The following SHISA9 variants were observed in gnomAD, a reference collection of about 807,000 sequenced individuals.
The protein encoded by SHISA9 is protein shisa-9.
SHISA9 carries 13 observed loss-of-function variants against 38.0 expected under a neutral mutation model. The ratio of observed to expected loss-of-function variants is 0.34; its 90% CI spans 0.22 to 0.54. The LOEUF (loss-of-function observed/expected upper bound fraction) is 0.54. SHISA9 is among the 20% of genes least tolerant of loss of function. SHISA9 has a pLI of 0.91. For missense variants in SHISA9, 538 were observed against 575.8 expected (o/e 0.93, Z 0.67); for synonymous variants, 275 against 242.0 (o/e 1.14, Z -1.27).
chr16:13,383,847 G>A, the SHISA9 span, among the ~76,000 whole-genome samples: 3 of 151,954 alleles, frequency 2.0e-5, no homozygotes, highest in African/African-American at 7.3e-5. Context: ...TAGAGATGGG[G>A]ATTTATCATG....
intron 2 of SHISA9, among the ~76,000 whole-genome samples, chr16:13,005,770 G>T (rs1015493994): frequency 7.2e-5 from 11 of 152,174 alleles, no homozygotes; most frequent in African/African-American, 2.7e-4. Flanking sequence ...GAGTAGGGGA[G>T]GAGACATGGG....
At chr16:13,025,924 G>C (rs965694773) in intron 2 of SHISA9, among the ~76,000 whole-genome samples, 9 of 151,980 alleles carry the variant, frequency 5.9e-5, no homozygotes, top group African/African-American at 2.2e-4. Context: ...TCCTGCCTCA[G>C]CCTCCTGAGT....
At chr16:13,123,558 G>T (rs1051029161) in intron 2 of SHISA9, among the ~76,000 whole-genome samples, 2 of 152,244 alleles carry the variant, frequency 1.3e-5, no homozygotes, top group South Asian at 4.1e-4. Flanking sequence ...CACAGATAAG[G>T]TGATGGTGGA....
At chr16:13,415,255 C>A in the SHISA9 span, among the ~76,000 whole-genome samples, 5 of 152,146 alleles carry the variant, frequency 3.3e-5, no homozygotes, top group Non-Finnish European at 7.4e-5. Context: ...TACTATGCAG[C>A]TATAAAAAAG....
At chr16:13,346,302 C>G in the SHISA9 span, among the ~76,000 whole-genome samples, 1 of 152,268 alleles carries the variant, frequency 6.6e-6, no homozygotes, top group Admixed American at 6.5e-5. Context: ...TCGGCTGCGA[C>G]GCCACCAGAT....
the SHISA9 span, among the ~76,000 whole-genome samples, chr16:13,296,092 C>T: frequency 5.3e-5 from 8 of 152,124 alleles, no homozygotes; most frequent in African/African-American, 7.2e-5. Context: ...CTCTCATAGC[C>T]TACTTGTTGT....
At chr16:13,147,306 G>A (rs1201544344) in intron 2 of SHISA9, among the ~76,000 whole-genome samples, 1 of 152,082 alleles carries the variant, frequency 6.6e-6, no homozygotes, top group Non-Finnish European at 1.5e-5. Flanking sequence ...GACTGGAGCG[G>A]GAAAGAGTTA....
At chr16:13,134,420 CAA>C (rs2050330665) in intron 2 of SHISA9, among the ~76,000 whole-genome samples, 1 of 152,056 alleles carries the variant, frequency 6.6e-6, no homozygotes, top group African/African-American at 2.4e-5. Context: ...TGGGGATGAG[CAA>C]AATGGTTTCT....
At chr16:12,977,013 G>A (rs1596560774) in intron 2 of SHISA9, among the ~76,000 whole-genome samples, 2 of 152,320 alleles carry the variant, frequency 1.3e-5, no homozygotes, top group South Asian at 2.1e-4. Flanking sequence ...AGAGGGAGCA[G>A]TGCGAGCAGA....
chr16:13,397,876 T>C, the SHISA9 span, among the ~76,000 whole-genome samples: 1 of 152,134 alleles, frequency 6.6e-6, no homozygotes, highest in Non-Finnish European at 1.5e-5. Flanking sequence ...GGAGGACATA[T>C]AGGCTTGGAG....
intron 3 of SHISA9, among the ~76,000 whole-genome samples, chr16:13,208,495 G>C (rs1448112999): frequency 1.5e-5 from 2 of 135,744 alleles, no homozygotes; most frequent in Non-Finnish European, 3.0e-5. Context: ...AGGCTGGAGT[G>C]CCATGGCGCA....
chr16:13,126,773 G>A (rs751008558), intron 2 of SHISA9, among the ~76,000 whole-genome samples: 22 of 145,154 alleles, frequency 1.5e-4, no homozygotes, highest in Non-Finnish European at 3.3e-4. Flanking sequence ...GGGAGAGAGA[G>A]CTGAGGGAAA....
the SHISA9 span, among the ~76,000 whole-genome samples, chr16:13,329,613 C>G: frequency 4.6e-5 from 7 of 152,304 alleles, no homozygotes; most frequent in Non-Finnish European, 7.3e-5. Flanking sequence ...CAAGACTACT[C>G]CTTCCCAGGC....
chr16:13,084,565 A>G (rs574255453), intron 2 of SHISA9, among the ~76,000 whole-genome samples: 28 of 152,326 alleles, frequency 1.8e-4, no homozygotes, highest in Admixed American at 1.1e-3. Context: ...CACACTCCAG[A>G]CAGGTTCCTC....
rs181044773 is a variant in SHISA9, at chr16:13,172,824, T to C, written c.692-30570T>C. Among the ~76,000 whole-genome samples, 211 of 151,396 alleles carry C rather than the reference T, an allele frequency of 1.4e-3. 1 individual carries two copies. Among genetic ancestry groups the C allele is most frequent in the African/African-American group, 4.7e-3 (193 of 41,212 alleles). On this transcript the variant is annotated intron_variant, in intron 2 of 4. Transcript: ENST00000558583. ...GAGAGGAGGCGGGATTGTAATGAAC[T>C]GGTGATGAAGTGGAAATATTTTGAA...
intron 2 of SHISA9, among the ~76,000 whole-genome samples, chr16:13,180,428 G>A (rs1012653269): frequency 2.5e-4 from 38 of 152,306 alleles, no homozygotes; most frequent in African/African-American, 7.0e-4. Flanking sequence ...GCCAGGCACC[G>A]TGGCTCACAC....
At chr16:13,065,528 A>T (rs1346451683) in intron 2 of SHISA9, among the ~76,000 whole-genome samples, 1 of 152,252 alleles carries the variant, frequency 6.6e-6, no homozygotes, top group Non-Finnish European at 1.5e-5. Context: ...ATAAAAAATG[A>T]TAACTTTAGG....
the SHISA9 span, among the ~76,000 whole-genome samples, chr16:13,294,271 G>A: frequency 6.6e-6 from 1 of 152,156 alleles, no homozygotes; most frequent in Non-Finnish European, 1.5e-5. Flanking sequence ...GATTCCCTGA[G>A]GATTGGCTGC....
chr16:12,964,376 G>C (rs2071951231), intron 2 of SHISA9, among the ~76,000 whole-genome samples: 1 of 147,748 alleles, frequency 6.8e-6, no homozygotes, highest in African/African-American at 2.4e-5. Context: ...CAAAACATTG[G>C]ACTTTCTGTT....
Sources: gnomAD v4.1 joint callset for allele counts (sites outside exome capture counted in the v4.1 genomes callset) on GRCh38, gnomAD v4.1.1 for gene constraint, MANE v1.5 for transcripts, NCBI Gene and HGNC (gene_info 2026-07-23, HGNC 2026-07-21) for gene names.